The following PLEKHA6 variants were observed in gnomAD, a reference collection of about 807,000 sequenced individuals.
The protein encoded by PLEKHA6 is pleckstrin homology domain-containing family A member 6.
PLEKHA6 carries 60 observed loss-of-function variants against 116.7 expected under a neutral mutation model. The observed-to-expected ratio is 0.51, with a 90% CI of 0.42 to 0.64. The LOEUF is 0.64. Among genes scored for constraint, PLEKHA6 ranks in the 30% least tolerant of loss-of-function variants. The pLI, the probability that PLEKHA6 is intolerant of heterozygous loss-of-function variation, is 0.00. For missense variants in PLEKHA6, 1,338 were observed against 1,422.7 expected, an observed-to-expected ratio of 0.94 and a Z score of 0.96; for synonymous variants, 489 against 556.1, an observed-to-expected ratio of 0.88 and a Z score of 1.70.
intron 1 of PLEKHA6, chr1:204,326,861 C>G (rs1050949518): frequency 7.1e-6 from 3 of 420,166 alleles, no homozygotes; most frequent in African/African-American, 6.4e-5. Flanking sequence ...TGCCTTTCAT[C>G]ATCCTTAGAC....
chr1:204,284,557 C>A (rs1344243589), intron 1 of PLEKHA6, among the ~76,000 whole-genome samples: 1 of 151,952 alleles, frequency 6.6e-6, no homozygotes, highest in East Asian at 1.9e-4. Flanking sequence ...CAAGGGCCAC[C>A]CAAGGAACCA....
At chr1:204,268,506 T>C (rs1259493925) in intron 3 of PLEKHA6, among the ~76,000 whole-genome samples, 194 bp from the exon 4 acceptor site, 1 of 152,062 alleles carries the variant, frequency 6.6e-6, no homozygotes, top group Non-Finnish European at 1.5e-5. Context: ...TTGGCAATTT[T>C]TCTCATTTCT....
chr1:204,273,369 C>T (rs944298595), intron 3 of PLEKHA6, among the ~76,000 whole-genome samples: 2 of 152,296 alleles, frequency 1.3e-5, no homozygotes, highest in East Asian at 1.9e-4. Flanking sequence ...TCTCATAGCA[C>T]GATGAATCAT....
chr1:204,265,818 C>T (rs922003834), intron 5 of PLEKHA6, among the ~76,000 whole-genome samples: 9 of 152,190 alleles, frequency 5.9e-5, no homozygotes, highest in African/African-American at 1.9e-4. Context: ...GTGCTCTGGC[C>T]CTCTCCTCCC....
intron 9 of PLEKHA6, 82 bp from the exon 10 acceptor site, chr1:204,250,696 T>A: frequency 1.1e-6 from 1 of 935,154 alleles, no homozygotes; most frequent in Admixed American, 1.8e-5. Flanking sequence ...ACAATCCCGC[T>A]GTGCTCCTGC....
chr1:204,300,793 C>T (rs544787305), intron 1 of PLEKHA6, among the ~76,000 whole-genome samples: 1 of 152,342 alleles, frequency 6.6e-6, no homozygotes, highest in East Asian at 1.9e-4. Context: ...GTTATTGATC[C>T]TCTCTAAACC....
chr1:204,271,442 A>T (rs572473053), intron 3 of PLEKHA6, among the ~76,000 whole-genome samples: 1 of 152,210 alleles, frequency 6.6e-6, no homozygotes, highest in Non-Finnish European at 1.5e-5. Context: ...CTGGGAAATA[A>T]CATTATTATC....
At chr1:204,333,695 GC>G (rs1672539306) in intron 1 of PLEKHA6, among the ~76,000 whole-genome samples, 1 of 152,134 alleles carries the variant, frequency 6.6e-6, no homozygotes, top group South Asian at 2.1e-4. Flanking sequence ...AGCAGGCCAG[GC>G]CTCAGCTTGC....
At chr1:204,327,321 C>T (rs1025547363) in intron 1 of PLEKHA6, among the ~76,000 whole-genome samples, 1 of 152,216 alleles carries the variant, frequency 6.6e-6, no homozygotes, top group Non-Finnish European at 1.5e-5. Flanking sequence ...CTGATTTATC[C>T]CCAGCTCCAT....
chr1:204,245,106 G>T, intron 14 of PLEKHA6, 103 bp from the exon 15 acceptor site: 1 of 791,602 alleles, frequency 1.3e-6, no homozygotes, highest in Non-Finnish European at 1.9e-6. Flanking sequence ...CAGATCCAGG[G>T]ATGTGGAAGG....
intron 21 of PLEKHA6, among the ~76,000 whole-genome samples, chr1:204,226,269 G>A (rs546489802): frequency 4.0e-4 from 61 of 152,310 alleles, no homozygotes; most frequent in African/African-American, 1.4e-3. Flanking sequence ...TGGGGTTTTG[G>A]CAAAAGCAAG....
intron 1 of PLEKHA6, among the ~76,000 whole-genome samples, chr1:204,338,407 C>T (rs1187795802): frequency 2.0e-5 from 3 of 152,162 alleles, no homozygotes; most frequent in Non-Finnish European, 2.9e-5. Context: ...CACCATCCCC[C>T]GCTCCATTAA....
chr1:204,323,776 A>G (rs1672147976), intron 1 of PLEKHA6, among the ~76,000 whole-genome samples: 1 of 152,236 alleles, frequency 6.6e-6, no homozygotes, highest in African/African-American at 2.4e-5. Flanking sequence ...TGTGTGAGGC[A>G]TAATTCTAAA....
At chr1:204,363,812 T>G (rs994608635), upstream of PLEKHA6, among the ~76,000 whole-genome samples, 3 of 152,116 alleles carry the variant, frequency 2.0e-5, no homozygotes, top group Non-Finnish European at 4.4e-5. Flanking sequence ...CCTGAAAGCC[T>G]TGTGGGGCCA....
intron 1 of PLEKHA6, among the ~76,000 whole-genome samples, chr1:204,296,877 G>C (rs1275609443): frequency 6.6e-6 from 1 of 152,212 alleles, no homozygotes; most frequent in African/African-American, 2.4e-5. Context: ...TGTCTGCAGA[G>C]AGCGTGGACG....
At chr1:204,273,045 A>G (rs1667636794) in intron 3 of PLEKHA6, among the ~76,000 whole-genome samples, 1 of 152,114 alleles carries the variant, frequency 6.6e-6, no homozygotes. Flanking sequence ...CCCTGTGACC[A>G]CATTGCTGCT....
rs139787857 is a variant in PLEKHA6, at chr1:204,245,646, G to A, written c.2001C>T (p.Pro667=). The change falls in exon 14 of 23, where the codon CCC becomes CCT. Residue 667 remains proline (P), a synonymous_variant. Transcript: ENST00000272203. The stretch of plus-strand genomic sequence containing the variant: ...GCTTGGCGGTGTCCGTGCCCCGGGA[G>A]GGGTTGTTCTTCCTCAGCCCCTCCA... The part of the protein sequence containing the change: ...DVMEGLRKNN[P]SRGTDTAKHR... 1.3e-3 allele frequency: 2,172 copies of A among 1,613,374 alleles called. 5 individuals are homozygous for A. Among genetic ancestry groups the A allele is most frequent in the Non-Finnish European group, 1.7e-3 (2,021 of 1,179,482 alleles).
chr1:204,285,729 C>T lies in PLEKHA6; in HGVS notation c.-94-10920G>A, dbSNP rs117696433. 4.6e-5 allele frequency among the ~76,000 whole-genome samples: 7 copies of T among 152,306 alleles called. No homozygotes were observed. In the East Asian group the frequency reaches 1.3e-3, roughly 29 times the overall value. On this transcript the variant is annotated intron_variant, in intron 1 of 22. Transcript: ENST00000272203. ...TCACATGCATTAAGACTCCTCTGCA[C>T]AGTTTGAAAGTATCATTACTAACAG...
At chr1:204,307,980 G>T in intron 1 of PLEKHA6, 1 of 763,614 alleles carries the variant, frequency 1.3e-6, no homozygotes, top group Non-Finnish European at 1.6e-6. Context: ...CTAAGGATCC[G>T]ATTCTAGATA....
Sources: gnomAD v4.1 joint callset for allele counts (sites outside exome capture counted in the v4.1 genomes callset) on GRCh38, gnomAD v4.1.1 for gene constraint, MANE v1.5 for transcripts, NCBI Gene and HGNC (gene_info 2026-07-23, HGNC 2026-07-21) for gene names.